Variants in ATP2C2 observed in about 807,000 individuals in gnomAD.
The protein encoded by ATP2C2 is calcium-transporting ATPase type 2C member 2.
ATP2C2 carries 171 observed loss-of-function variants against 110.8 expected under a neutral mutation model. That is an observed-to-expected ratio of 1.54 (90% CI 1.36 to 1.75). The LOEUF is 1.75. Among genes scored for constraint, ATP2C2 ranks in the 40% most tolerant of loss-of-function variants. The probability of loss-of-function intolerance (pLI) is 0.00; values close to 1 mark genes in which losing one functional copy is unlikely to be tolerated. For synonymous variants in ATP2C2, 804 were observed against 508.4 expected (o/e 1.58, Z -7.82); for missense variants, 1,963 against 1,235.0 (o/e 1.59, Z -8.84).
At chr16:84,432,533 CTTGTT>C (rs1243790699) in intron 11 of ATP2C2, among the ~76,000 whole-genome samples, 2 of 151,682 alleles carry the variant, frequency 1.3e-5, no homozygotes, top group Non-Finnish European at 2.9e-5. Context: ...TGTTTGCTTG[CTTGTT>C]TTTGAGATGG....
chr16:84,399,619 C>G (rs1318395661), intron 2 of ATP2C2, among the ~76,000 whole-genome samples: 1 of 152,044 alleles, frequency 6.6e-6, no homozygotes, highest in African/African-American at 2.4e-5. Context: ...GCTACTGTTT[C>G]TTTTTTATTT....
chr16:84,373,216 C>G (rs1042585131), intron 1 of ATP2C2, among the ~76,000 whole-genome samples: 1 of 151,842 alleles, frequency 6.6e-6, no homozygotes, highest in Non-Finnish European at 1.5e-5. Context: ...AAAACTCAAT[C>G]AGGCTGGGCA....
At position 84,463,988 on chromosome 16, in the gene ATP2C2, A is replaced by C; in HGVS notation, c.*256A>C. On this transcript the variant is annotated 3_prime_UTR_variant, in exon 27 of 27. Transcript: ENST00000262429. ...AACACCACACTGTTTATTAAATCAC[A>C]ATGATTTTTATTAACCATGTCTAAC... 1 of 388,320 alleles carries C rather than the reference A, an allele frequency of 2.6e-6. No homozygotes were observed. Among genetic ancestry groups the C allele is most frequent in the Non-Finnish European group, 4.7e-6 (1 of 214,352 alleles). The allele number at this position is 388,320 out of a possible 1,614,324, so 24.1% of individuals were successfully genotyped here. A position where few individuals can be genotyped will look rare whatever the true frequency, so the allele number is the denominator to read the frequency against.
At chr16:84,372,831 T>C (rs186672198) in intron 1 of ATP2C2, among the ~76,000 whole-genome samples, 1 of 152,158 alleles carries the variant, frequency 6.6e-6, no homozygotes, top group Admixed American at 6.5e-5. Flanking sequence ...AAAATCAGGT[T>C]CAATTTAGGC....
At chr16:84,387,050 G>T (rs1158577283) in intron 1 of ATP2C2, among the ~76,000 whole-genome samples, 2 of 152,094 alleles carry the variant, frequency 1.3e-5, no homozygotes, top group Admixed American at 1.3e-4. Context: ...TGGGGTTGGG[G>T]GTGCAGATCT....
At chr16:84,380,297 C>T (rs1910499309) in intron 1 of ATP2C2, among the ~76,000 whole-genome samples, 1 of 152,180 alleles carries the variant, frequency 6.6e-6, no homozygotes, top group Non-Finnish European at 1.5e-5. Flanking sequence ...TTGAATTCTC[C>T]TAATAGTAGT....
intron 6 of ATP2C2, among the ~76,000 whole-genome samples, chr16:84,412,514 GTGTC>G (rs1298081725): frequency 1.6e-5 from 2 of 125,422 alleles, no homozygotes; most frequent in African/African-American, 5.2e-5. Flanking sequence ...GTGTCTGTGT[GTGTC>G]TGTGTGTGCA....
At chr16:84,418,142 G>C (rs1906999086) in intron 7 of ATP2C2, among the ~76,000 whole-genome samples, 1 of 152,228 alleles carries the variant, frequency 6.6e-6, no homozygotes, top group Non-Finnish European at 1.5e-5. Context: ...AATTGGGTCG[G>C]AGGTGATGGG....
intron 1 of ATP2C2, among the ~76,000 whole-genome samples, chr16:84,386,646 A>G (rs539110605): frequency 1.0e-3 from 157 of 152,324 alleles, no homozygotes; most frequent in African/African-American, 3.6e-3. Flanking sequence ...GCACACAGGT[A>G]CTACCTAGAA....
intron 23 of ATP2C2, chr16:84,459,719 A>C (rs573043013): frequency 2.7e-5 from 21 of 782,246 alleles, no homozygotes; most frequent in Admixed American, 1.5e-4. Context: ...TTGCACTCCC[A>C]CTCAATCCCC....
intron 1 of ATP2C2, among the ~76,000 whole-genome samples, chr16:84,381,010 C>T (rs968475645): frequency 3.3e-5 from 5 of 152,248 alleles, no homozygotes; most frequent in African/African-American, 9.6e-5. Flanking sequence ...GAATTTCATG[C>T]GCGTCCGTGT....
chr16:84,455,072 G>GGGA lies in ATP2C2; in HGVS notation c.2147+90_2147+91insAGG. ...GGAACCTGCTACTGTGGAGATAGAG[G>GGGA]GGGGGGTCTCGCGGAGTCCCCAGGG... On this transcript the variant is annotated intron_variant, in intron 21 of 26. Transcript: ENST00000262429. The GGGA allele has an allele frequency of 1.2e-5, 18 of 1,524,798 alleles. 1 individual carries two copies. The highest frequency in any genetic ancestry group is 1.5e-5 in the Non-Finnish European group (17 of 1,120,154). 94.5% of individuals were successfully genotyped at this position (1,524,798 alleles called of 1,614,324 possible).
At chr16:84,404,351 C>G (rs998919523) in intron 2 of ATP2C2, 3 of 155,820 alleles carry the variant, frequency 1.9e-5, no homozygotes, top group African/African-American at 7.2e-5. Flanking sequence ...CCCATTCCCT[C>G]TCCCTCCAGC....
At chr16:84,368,864 A>G (rs1909788150) in intron 1 of ATP2C2, 150 bp downstream of exon 1, 4 of 690,144 alleles carry the variant, frequency 5.8e-6, no homozygotes, top group Non-Finnish European at 7.0e-6. Context: ...CCTCACAGCA[A>G]CCGCGCTCTC....
At chr16:84,404,753 T>C (rs2150518746) in intron 2 of ATP2C2, 1 of 356,810 alleles carries the variant, frequency 2.8e-6, no homozygotes. Flanking sequence ...TTTTAATTTT[T>C]TGAGGAATCG....
At chr16:84,408,375 A>G (rs1224593711) in intron 3 of ATP2C2, 30 bp from the exon 4 acceptor site, 1 of 1,602,168 alleles carries the variant, frequency 6.2e-7, no homozygotes, top group Admixed American at 1.7e-5. Context: ...AGACTAAAGA[A>G]CGTGCCCCAC....
Position 84,415,555 on chromosome 16 carries a change from C to A in ATP2C2, c.588C>A (p.Ile196=), listed in dbSNP as rs3743651. The part of the protein sequence containing the change: ...LVPGDVVSLS[I]GDRIPADIRL... ...CTGGTGATGTCGTATCTCTCTCGAT[C>A]GGAGACCGGATCCCTGCAGACATCC... The change falls in exon 7 of 27, where the codon ATC becomes ATA. Residue 196 remains isoleucine, a synonymous_variant. Transcript: ENST00000262429. The A allele has an allele frequency of 6.2e-7, 1 of 1,613,970 alleles. No homozygotes were observed. The highest frequency in any genetic ancestry group is 8.5e-7 in the Non-Finnish European group (1 of 1,179,948).
chr16:84,419,103 G>A (rs1175757171), intron 7 of ATP2C2, among the ~76,000 whole-genome samples: 2 of 150,666 alleles, frequency 1.3e-5, no homozygotes, highest in Non-Finnish European at 2.9e-5. Flanking sequence ...CAGCTACTCA[G>A]GAGACTGAGG....
chr16:84,442,730 C>A, intron 15 of ATP2C2, 131 bp downstream of exon 15: 3 of 866,804 alleles, frequency 3.5e-6, no homozygotes, highest in Non-Finnish European at 5.6e-6. Context: ...ATGGCCCACA[C>A]TGGCCTTGGG....
Sources: allele counts gnomAD v4.1 joint callset (sites outside exome capture counted in the v4.1 genomes callset), GRCh38; gene constraint gnomAD v4.1.1; transcripts MANE v1.5; gene names NCBI Gene and HGNC (gene_info 2026-07-23, HGNC 2026-07-21).